Variants in SPRED2 observed in about 807,000 individuals in gnomAD.
SPRED2 encodes the protein sprouty related EVH1 domain containing 2.
A neutral mutation model predicts 43.0 loss-of-function variants in SPRED2; 47 were observed. The ratio of observed to expected loss-of-function variants is 1.09; its 90% CI spans 0.87 to 1.40. SPRED2 has a LOEUF of 1.40. Ranked by LOEUF, SPRED2 falls within the 40% of genes most tolerant of loss-of-function variation. The pLI is 0.00. For missense variants in SPRED2, 561 were observed against 586.4 expected, an observed-to-expected ratio of 0.96 and a Z score of 0.45; for synonymous variants, 225 against 225.7, an observed-to-expected ratio of 1.00 and a Z score of 0.03.
chr2:65,344,930 A>G (rs760117040), intron 1 of SPRED2, 34 bp from the exon 2 acceptor site: 9 of 1,595,290 alleles, frequency 5.6e-6, no homozygotes, highest in African/African-American at 4.0e-5. Context: ...ACAGGGCATG[A>G]CAATGGTCTG....
chr2:65,431,102 G>A (rs565085347), intron 1 of SPRED2, among the ~76,000 whole-genome samples: 1,686 of 151,926 alleles, frequency 0.011, 35 homozygotes, highest in African/African-American at 0.037. Context: ...GACAGTCACG[G>A]GTCCCGCGCG....
intron 1 of SPRED2, among the ~76,000 whole-genome samples, chr2:65,350,383 A>G (rs1037081756): frequency 3.9e-5 from 6 of 152,226 alleles, no homozygotes; most frequent in African/African-American, 1.2e-4. Context: ...AATGGTGTGG[A>G]TCTAGTGAAG....
intron 1 of SPRED2, among the ~76,000 whole-genome samples, chr2:65,382,579 C>A (rs1469944907): frequency 1.3e-5 from 2 of 152,150 alleles, no homozygotes; most frequent in Non-Finnish European, 2.9e-5. Flanking sequence ...AACTGAGCCA[C>A]ATACACAGTT....
chr2:65,358,418 A>C (rs1674717457), intron 1 of SPRED2, among the ~76,000 whole-genome samples: 1 of 150,090 alleles, frequency 6.7e-6, no homozygotes, highest in Non-Finnish European at 1.5e-5. Context: ...CAGGCCAAGA[A>C]GAGAAGAGAG....
intron 2 of SPRED2, among the ~76,000 whole-genome samples, chr2:65,343,080 T>C (rs1558660512): frequency 6.6e-6 from 1 of 152,230 alleles, no homozygotes; most frequent in East Asian, 1.9e-4. Flanking sequence ...ACAAGGAATC[T>C]TTCTGAATCA....
chr2:65,384,164 C>G (rs1023802017), intron 1 of SPRED2, among the ~76,000 whole-genome samples: 1 of 152,074 alleles, frequency 6.6e-6, no homozygotes, highest in Non-Finnish European at 1.5e-5. Flanking sequence ...CCAGAGCCGG[C>G]CTATCTCCAC....
intron 1 of SPRED2, among the ~76,000 whole-genome samples, chr2:65,359,130 A>C (rs1358189766): frequency 2.0e-5 from 3 of 152,180 alleles, no homozygotes; most frequent in Non-Finnish European, 4.4e-5. Flanking sequence ...CAATTAAGTC[A>C]AGTGTCAGGC....
chr2:65,342,939 C>A (rs1041666849), intron 2 of SPRED2, among the ~76,000 whole-genome samples: 2 of 152,100 alleles, frequency 1.3e-5, no homozygotes, highest in African/African-American at 2.4e-5. Flanking sequence ...AAAGTGAGAT[C>A]CTGCCTTTTT....
chr2:65,319,169 T>A (rs1673333255), intron 4 of SPRED2, among the ~76,000 whole-genome samples: 1 of 152,172 alleles, frequency 6.6e-6, no homozygotes, highest in African/African-American at 2.4e-5. Context: ...ATGTGCAGCA[T>A]CCCTCTGGAG....
chr2:65,339,634 C>A (rs576092438), intron 2 of SPRED2, among the ~76,000 whole-genome samples: 31 of 150,832 alleles, frequency 2.1e-4, no homozygotes, highest in Admixed American at 5.3e-4. Context: ...GTCTGCTGAC[C>A]TTCCCTCCAC....
At position 65,313,613 on chromosome 2, in the gene SPRED2, A is replaced by T; in HGVS notation, c.1145T>A (p.Ile382Asn). ...ACAGGGGGCCAGGAAAGACAAGGCA[A>T]TAAGAGCCATCCACCGGAGGCAAAA... ...EKFCLRWMAL[I>N]ALSFLAPCMC... The change falls in exon 6 of 6, where the codon ATT (isoleucine) becomes AAT (asparagine). Residue 382 changes from isoleucine to asparagine, a missense_variant. By Grantham distance (149) the Ile-to-Asn change is moderately radical (BLOSUM62 -3). Around this residue, in one of 6 missense-constraint regions of SPRED2, gnomAD observed 65 missense variants for 60.2 expected, o/e 1.08. Transcript: ENST00000356388. 1 of 1,614,168 alleles carries T rather than the reference A, an allele frequency of 6.2e-7. No individual in the cohort carries two copies. The highest frequency in any genetic ancestry group is 8.5e-7 in the Non-Finnish European group (1 of 1,180,020).
chr2:65,379,952 C>T, intron 1 of SPRED2, among the ~76,000 whole-genome samples: 1 of 152,190 alleles, frequency 6.6e-6, no homozygotes, highest in South Asian at 2.1e-4. Flanking sequence ...CCCACCCCAG[C>T]TGGGTGTTGC....
At chr2:65,384,683 AC>A (rs1453998546) in intron 1 of SPRED2, among the ~76,000 whole-genome samples, 2 of 151,848 alleles carry the variant, frequency 1.3e-5, no homozygotes, top group African/African-American at 4.8e-5. Context: ...CCTCTTCCTC[AC>A]TCCAGTGAAA....
intron 1 of SPRED2, chr2:65,366,876 G>A: frequency 1.3e-6 from 1 of 798,492 alleles, no homozygotes; most frequent in Non-Finnish European, 1.7e-6. Flanking sequence ...AAGCCTGACA[G>A]CTGACAGATG....
chr2:65,346,574 T>C (rs1272227355), intron 1 of SPRED2, among the ~76,000 whole-genome samples: 1 of 152,146 alleles, frequency 6.6e-6, no homozygotes, highest in Non-Finnish European at 1.5e-5. Flanking sequence ...CTTGTCTCTA[T>C]GAATCTGATA....
intron 2 of SPRED2, among the ~76,000 whole-genome samples, chr2:65,341,557 A>G (rs900363418): frequency 2.6e-5 from 4 of 152,180 alleles, no homozygotes; most frequent in Non-Finnish European, 2.9e-5. Flanking sequence ...TCTGCTGGTG[A>G]CACTGCCCAC....
At chr2:65,380,358 C>A (rs1419693483) in intron 1 of SPRED2, among the ~76,000 whole-genome samples, 5 of 152,140 alleles carry the variant, frequency 3.3e-5, no homozygotes, top group Admixed American at 2.0e-4. Context: ...CATCCCCAAA[C>A]CCCTGTCATT....
At position 65,313,638 on chromosome 2, in the gene SPRED2, ACTT is replaced by A. The variant is rs1673136909; in HGVS notation, c.1117_1119del (p.Lys373del). ...ATAAGAGCCATCCACCGGAGGCAAA[ACTT>A]CTCGTCGCTAGTATCGCACGAGCAA... is the stretch of plus-strand genomic sequence containing the variant. On this transcript the variant is annotated inframe_deletion, in exon 6 of 6. Transcript: ENST00000356388. The A allele has an allele frequency of 6.2e-7, 1 of 1,614,130 alleles. No homozygotes were observed. Among genetic ancestry groups the A allele is most frequent in the Non-Finnish European group, 8.5e-7 (1 of 1,180,014 alleles).
intron 1 of SPRED2, among the ~76,000 whole-genome samples, chr2:65,358,949 A>G (rs892929752): frequency 3.9e-5 from 6 of 152,116 alleles, no homozygotes; most frequent in Non-Finnish European, 7.3e-5. Context: ...AAGGAGGAGG[A>G]ATTCTTCTTA....
Sources: allele counts gnomAD v4.1 joint callset (sites outside exome capture counted in the v4.1 genomes callset), GRCh38; gene constraint gnomAD v4.1.1; regional missense constraint gnomAD v4.1.1; transcripts MANE v1.5; gene names NCBI Gene and HGNC (gene_info 2026-07-23, HGNC 2026-07-21).